Variants in GCNT1 observed in about 807,000 individuals in gnomAD.
GCNT1 encodes the protein glucosaminyl (N-acetyl) transferase 1, also known as beta-1,3-galactosyl-O-glycosyl-glycoprotein beta-1,6-N-acetylglucosaminyltransferase.
GCNT1 carries 16 observed loss-of-function variants against 26.2 expected under a neutral mutation model. The observed-to-expected ratio is 0.61, with a 90% CI of 0.41 to 0.93. GCNT1 has a LOEUF of 0.93. Ranked by LOEUF, GCNT1 falls within the 40% of genes least tolerant of loss-of-function variation. The probability of loss-of-function intolerance (pLI) is 0.00; values close to 1 mark genes in which losing one functional copy is unlikely to be tolerated. For synonymous variants in GCNT1, 183 were observed against 190.8 expected (o/e 0.96, Z 0.34); for missense variants, 477 against 526.7 (o/e 0.91, Z 0.92).
the GCNT1 span, among the ~76,000 whole-genome samples, chr9:76,397,946 A>G: frequency 1.8e-3 from 268 of 152,350 alleles, no homozygotes; most frequent in African/African-American, 6.1e-3. Context: ...TTTGACTCCA[A>G]AAATATGCTA....
At chr9:76,458,126 A>T (rs1307898038), upstream of GCNT1, among the ~76,000 whole-genome samples, 1 of 151,864 alleles carries the variant, frequency 6.6e-6, no homozygotes, top group African/African-American at 2.4e-5. Flanking sequence ...TTTTGTTGAC[A>T]AATCAGGCAA....
chr9:76,483,108 T>C (rs1020771458), intron 2 of GCNT1, among the ~76,000 whole-genome samples: 1 of 152,118 alleles, frequency 6.6e-6, no homozygotes, highest in African/African-American at 2.4e-5. Context: ...TAAAGTGAAA[T>C]ATAGTCCTAC....
intron 2 of GCNT1, among the ~76,000 whole-genome samples, chr9:76,465,861 AAAC>A (rs1160590691): frequency 1.3e-5 from 2 of 152,202 alleles, no homozygotes; most frequent in Admixed American, 1.3e-4. Context: ...TTTCTGGCAT[AAAC>A]AACTGAGTAG....
chr9:76,457,322 C>G (rs372169745), upstream of GCNT1, among the ~76,000 whole-genome samples: 1 of 152,246 alleles, frequency 6.6e-6, no homozygotes, highest in Non-Finnish European at 1.5e-5. Context: ...GATCTCAGCT[C>G]ACTGCAACCT....
intron 1 of GCNT1, among the ~76,000 whole-genome samples, chr9:76,436,273 A>T (rs1226255190): frequency 6.6e-6 from 1 of 152,088 alleles, no homozygotes; most frequent in Non-Finnish European, 1.5e-5. Flanking sequence ...TGTTTGAGGA[A>T]CATACCTTCC....
chr9:76,437,655 C>A (rs1360347701), upstream of GCNT1, among the ~76,000 whole-genome samples: 1 of 152,128 alleles, frequency 6.6e-6, no homozygotes, highest in Non-Finnish European at 1.5e-5. Context: ...GCCCTGAATT[C>A]TTTCTTTTGT....
intron 1 of GCNT1, among the ~76,000 whole-genome samples, chr9:76,423,594 GC>G (rs1272263181): frequency 6.6e-6 from 1 of 152,224 alleles, no homozygotes; most frequent in Non-Finnish European, 1.5e-5. Flanking sequence ...GTTTTGGCAA[GC>G]TTTTAATGAA....
rs140070159 is a variant in GCNT1 at position 76,427,556 on chromosome 9, T to A, written n.38+7669T>A. On this transcript the variant is annotated intron_variant and non_coding_transcript_variant, in intron 1 of 3. Transcript: ENST00000488136. ...AAAATTTGACAATAAATATTAACCT[T>A]AGAAAGTGAATACACTTTGACATAT... 1.8e-3 allele frequency among the ~76,000 whole-genome samples: 274 copies of A among 152,272 alleles called. 1 individual carries two copies. The highest frequency in any genetic ancestry group is 6.3e-3 in the African/African-American group (261 of 41,574).
At chr9:76,470,292 A>G (rs539968307) in intron 2 of GCNT1, among the ~76,000 whole-genome samples, 1 of 152,228 alleles carries the variant, frequency 6.6e-6, no homozygotes, top group South Asian at 2.1e-4. Context: ...TGGAAAAGAA[A>G]ATTACTGCTG....
intron 2 of GCNT1, among the ~76,000 whole-genome samples, chr9:76,472,139 T>C (rs1824144636): frequency 6.6e-6 from 1 of 151,712 alleles, no homozygotes; most frequent in Non-Finnish European, 1.5e-5. Context: ...TAGCCAGGTG[T>C]GGTGGCGTTC....
chr9:76,479,125 G>C (rs2131613650), intron 2 of GCNT1, among the ~76,000 whole-genome samples: 1 of 151,590 alleles, frequency 6.6e-6, no homozygotes, highest in Admixed American at 6.6e-5. Flanking sequence ...TTTTGTCCTT[G>C]CGATAGTTTG....
At chr9:76,495,689 G>T (rs1194889989) in intron 2 of GCNT1, among the ~76,000 whole-genome samples, 1 of 152,112 alleles carries the variant, frequency 6.6e-6, no homozygotes, top group African/African-American at 2.4e-5. Context: ...ACCCAGGAAG[G>T]CCAGCTGGCT....
intron 1 of GCNT1, among the ~76,000 whole-genome samples, chr9:76,435,385 T>TC (rs1434327768): frequency 6.6e-6 from 1 of 152,000 alleles, no homozygotes; most frequent in Non-Finnish European, 1.5e-5. Context: ...TGGGACCAGT[T>TC]CCCCCACTGG....
chr9:76,428,244 T>TAA (rs373269460), intron 1 of GCNT1, among the ~76,000 whole-genome samples: 1 of 60,760 alleles, frequency 1.6e-5, no homozygotes, highest in African/African-American at 6.5e-5. Flanking sequence ...CCGGCCTGGG[T>TAA]AAAAGAGCAA....
the GCNT1 span, among the ~76,000 whole-genome samples, chr9:76,408,393 C>T: frequency 1.3e-5 from 2 of 151,930 alleles, no homozygotes; most frequent in African/African-American, 4.8e-5. Context: ...CTTTTTTAGT[C>T]TGTTGAAATG....
At chr9:76,411,115 T>G in the GCNT1 span, among the ~76,000 whole-genome samples, 1 of 152,220 alleles carries the variant, frequency 6.6e-6, no homozygotes, top group Admixed American at 6.5e-5. Flanking sequence ...AGACAACATA[T>G]AGTTGAGTCT....
intron 2 of GCNT1, among the ~76,000 whole-genome samples, chr9:76,498,785 A>G (rs1181801435): frequency 1.6e-5 from 2 of 126,916 alleles, no homozygotes; most frequent in Non-Finnish European, 3.4e-5. Context: ...AAAAAAAAAA[A>G]AAAAAGAAAA....
Position 76,506,228 on chromosome 9 carries a change from G to A in GCNT1, c.*2560G>A, listed in dbSNP as rs889367323. On this transcript the variant is annotated 3_prime_UTR_variant, in exon 4 of 4. Coordinates refer to ENST00000376730, the MANE Select transcript of GCNT1 (RefSeq NM_001490.5). ...TAGTAATTATTAAACACTAATTTTTGTACTGTCATTGAAGGTGTTTTATAG... is the reference window on the plus strand; with the variant it reads ...TAGTAATTATTAAACACTAATTTTTATACTGTCATTGAAGGTGTTTTATAG... The A allele has an allele frequency of 3.0e-5, 5 of 166,440 alleles. No individual in the cohort carries two copies. Among genetic ancestry groups the A allele is most frequent in the African/African-American group, 1.2e-4 (5 of 41,386 alleles). 10.3% of individuals were successfully genotyped at this position (166,440 alleles called of 1,614,324 possible).
chr9:76,420,994 A>G (rs1177701707), intron 1 of GCNT1, among the ~76,000 whole-genome samples: 3 of 151,366 alleles, frequency 2.0e-5, no homozygotes, highest in Non-Finnish European at 4.4e-5. Flanking sequence ...TTTCATTCTC[A>G]AAACAAACAA....
Sources: allele counts gnomAD v4.1 joint callset (sites outside exome capture counted in the v4.1 genomes callset), GRCh38; gene constraint gnomAD v4.1.1; transcripts MANE v1.5; gene names NCBI Gene and HGNC (gene_info 2026-07-23, HGNC 2026-07-21).